The following TRIP13 variants were observed in gnomAD, a reference collection of about 807,000 sequenced individuals.
TRIP13 encodes the protein pachytene checkpoint protein 2 homolog.
In TRIP13, 25 loss-of-function variants were observed where a neutral mutation model predicts 54.4. The observed-to-expected ratio is 0.46, with a 90% confidence interval of 0.33 to 0.64. The LOEUF (loss-of-function observed/expected upper bound fraction) is 0.64, where lower values mean the gene tolerates loss of function less well. Among genes scored for constraint, TRIP13 ranks in the 30% least tolerant of loss-of-function variants. TRIP13 has a pLI of 0.02. For synonymous variants in TRIP13, 207 were observed against 207.8 expected (o/e 1.00, Z 0.03); for missense variants, 373 against 534.2 (o/e 0.70, Z 2.97).
chr5:918,280 C>T (rs1754374597), downstream of TRIP13, among the ~76,000 whole-genome samples: 2 of 152,166 alleles, frequency 1.3e-5, no homozygotes, highest in African/African-American at 4.8e-5. This position sits in a 1 kb window ranked among gnomAD's most constrained non-coding sequence, Gnocchi z 4.3. Context: ...TGGGCCTTAA[C>T]TCTAGATTCA....
Position 917,065 on chromosome 5 carries a change from C to T in TRIP13, c.1261C>T (p.Gln421Ter), listed in dbSNP as rs564546417. The T allele has an allele frequency of 6.2e-7, 1 of 1,614,102 alleles. No homozygotes were observed. Among genetic ancestry groups the T allele is most frequent in the Non-Finnish European group, 8.5e-7 (1 of 1,180,008 alleles). The change falls in exon 13 of 13, where the codon CAG (glutamine) becomes TAG (stop). Residue 421 changes from glutamine (Q) to a stop codon, truncating the protein, a stop_gained. Coordinates refer to ENST00000166345, the MANE Select transcript of TRIP13 (RefSeq NM_004237.4). LOFTEE classifies it high-confidence loss of function. Reference protein sequence around the residue: ...LQALSLAVDKQFEERKKLAAY... With the variant: ...LQALSLAVDK Reference sequence around the variant, plus strand: ...GGCCCTGTCTCTGGCAGTGGACAAGCAGTTTGAAGAGAGAAAGAAGCTTGC... The same window carrying T: ...GGCCCTGTCTCTGGCAGTGGACAAGTAGTTTGAAGAGAGAAAGAAGCTTGC...
At position 896,753 on chromosome 5, in the gene TRIP13, C is replaced by G. The variant is rs1444794901; in HGVS notation, c.347C>G (p.Thr116Arg). 3.1e-6 allele frequency: 5 copies of G among 1,613,726 alleles called. No homozygotes were observed. The highest frequency in any genetic ancestry group is 4.2e-6 in the Non-Finnish European group (5 of 1,179,828). ...GPSSENLEEE[T>R]ENIIAANHWV... ...AGCAGTGAAAATCTGGAGGAAGAGA[C>G]AGAAAACATAATTGCAGCAAATCAC... is the stretch of plus-strand genomic sequence containing the variant. The change falls in exon 3 of 13, where the codon ACA (threonine) becomes AGA (arginine). Residue 116 changes from threonine (T) to arginine (R), a missense_variant. Around this residue, in one of 4 missense-constraint regions of TRIP13, gnomAD observed 151 missense variants for 151.9 expected, o/e 0.99. Coordinates refer to ENST00000166345, the MANE Select transcript of TRIP13 (RefSeq NM_004237.4).
At chr5:905,790 A>C (rs981278014) in intron 6 of TRIP13, among the ~76,000 whole-genome samples, 1 of 152,278 alleles carries the variant, frequency 6.6e-6, no homozygotes, top group Non-Finnish European at 1.5e-5. Flanking sequence ...TTTCGTATAC[A>C]TAATTTTTGT....
intron 6 of TRIP13, among the ~76,000 whole-genome samples, chr5:905,760 G>A (rs552918919): frequency 8.5e-5 from 13 of 152,254 alleles, no homozygotes; most frequent in Non-Finnish European, 1.5e-4. Context: ...TATGACTAGC[G>A]GAAATCCTGT....
chr5:901,217 G>A, intron 4 of TRIP13, 124 bp from the exon 5 acceptor site: 1 of 712,428 alleles, frequency 1.4e-6, no homozygotes, highest in South Asian at 2.0e-5. Context: ...GATCTCTTAG[G>A]AGGCGGCCTC....
At chr5:910,143 G>A (rs1754200048) in intron 9 of TRIP13, among the ~76,000 whole-genome samples, 2 of 152,172 alleles carry the variant, frequency 1.3e-5, no homozygotes, top group Non-Finnish European at 2.9e-5. Flanking sequence ...TCAGTCTACT[G>A]CAATCTGGCT....
rs917450103 is a variant in TRIP13 at position 911,740 on chromosome 5, C to T, written c.867-103C>T. The stretch of plus-strand genomic sequence containing the variant: ...GGCCACTTTCCTTCCTGTTGGCAGC[C>T]TGCTGGCCATCGTCCTGCCAACCTC... On this transcript the variant is annotated intron_variant, in intron 9 of 12. Transcript: ENST00000166345. The surrounding 1 kb of genome is among the most constrained non-coding windows in gnomAD (Gnocchi z 4.7). 2.8e-6 allele frequency: 4 copies of T among 1,434,716 alleles called. No individual in the cohort carries two copies. Among genetic ancestry groups the T allele is most frequent in the Non-Finnish European group, 3.7e-6 (4 of 1,076,748 alleles). The allele number at this position is 1,434,716 out of a possible 1,614,324, so 88.9% of individuals were successfully genotyped here.
chr5:914,078 A>G (rs1754294947), intron 10 of TRIP13, among the ~76,000 whole-genome samples: 1 of 152,130 alleles, frequency 6.6e-6, no homozygotes, highest in African/African-American at 2.4e-5. Context: ...TCCTGGCTCT[A>G]AGTCCCAGCT....
chr5:908,498 A>G lies in TRIP13; in HGVS notation c.866+37A>G, dbSNP rs1382881561. The G allele has an allele frequency of 1.9e-6, 3 of 1,610,660 alleles. No individual in the cohort carries two copies. The highest frequency in any genetic ancestry group is 2.2e-5 in the South Asian group (2 of 91,042). On this transcript the variant is annotated intron_variant, in intron 9 of 12. Coordinates refer to ENST00000166345, the MANE Select transcript of TRIP13 (RefSeq NM_004237.4). The surrounding 1 kb of genome is among the most constrained non-coding windows in gnomAD (Gnocchi z 5.2). The stretch of plus-strand genomic sequence containing the variant: ...ATGCAGCAATTTTCCCTGAGAAGTG[A>G]TGAGAAGTTTGTCCCAAAGAAATGC...
In TRIP13 at chr5:917,167, C is replaced by T. The variant is rs576527563; in HGVS notation, c.*64C>T. The T allele has an allele frequency of 3.3e-6, 5 of 1,530,340 alleles. No individual in the cohort carries two copies. Among genetic ancestry groups the T allele is most frequent in the South Asian group, 1.2e-5 (1 of 86,898 alleles). The allele number at this position is 1,530,340 out of a possible 1,614,324, so 94.8% of individuals were successfully genotyped here. Reference sequence around the variant, plus strand: ...CACACAACCAGTAAGTGAGGTTGCCCCACACAGCCGTCTCCCAGGGAATCC... The same window carrying T: ...CACACAACCAGTAAGTGAGGTTGCCTCACACAGCCGTCTCCCAGGGAATCC... On this transcript the variant is annotated 3_prime_UTR_variant, in exon 13 of 13. Transcript: ENST00000166345.
In TRIP13 at chr5:896,875, G is replaced by A; in HGVS notation, c.388+81G>A. ...CATGCCATGTCAGTTCACAGGGGGGGTTCTGTTTGTCCATTTGTTTTGTAG... is the reference window on the plus strand; with the variant it reads ...CATGCCATGTCAGTTCACAGGGGGGATTCTGTTTGTCCATTTGTTTTGTAG... On this transcript the variant is annotated intron_variant, in intron 3 of 12. Transcript: ENST00000166345. 3 of 1,439,764 alleles carry A rather than the reference G, an allele frequency of 2.1e-6. No individual in the cohort carries two copies. The African/African-American group carries it at 4.3e-5, about 21-fold the overall frequency. 89.2% of individuals were successfully genotyped at this position (1,439,764 alleles called of 1,614,324 possible).
chr5:901,487 C>G (rs1338801766), intron 5 of TRIP13, 56 bp downstream of exon 5: 18 of 1,549,118 alleles, frequency 1.2e-5, no homozygotes, highest in Non-Finnish European at 2.7e-6. Flanking sequence ...TTAGCCTTTA[C>G]TTGTACCTTC....
At position 911,452 on chromosome 5, in the gene TRIP13, TC is replaced by T. The variant is rs529011051; in HGVS notation, c.867-388del. Among the ~76,000 whole-genome samples, 1 of 152,072 alleles carries T rather than the reference TC, an allele frequency of 6.6e-6. No homozygotes were observed. Among genetic ancestry groups the T allele is most frequent in the South Asian group, 2.1e-4 (1 of 4,808 alleles). On this transcript the variant is annotated intron_variant, in intron 9 of 12. Coordinates refer to ENST00000166345, the MANE Select transcript of TRIP13 (RefSeq NM_004237.4). The surrounding 1 kb of genome is among the most constrained non-coding windows in gnomAD (Gnocchi z 4.7). ...CGGGCACGGTGGCGGGCGCCTGTAG[TC>T]CCGGCTACTTGGGAGGCTGAGGCAG... is the stretch of plus-strand genomic sequence containing the variant.
Position 915,990 on chromosome 5 carries a change from G to A in TRIP13, c.1203+17G>A. 1 of 1,613,464 alleles carries A rather than the reference G, an allele frequency of 6.2e-7. No individual in the cohort carries two copies. The highest frequency in any genetic ancestry group is 8.5e-7 in the Non-Finnish European group (1 of 1,179,512). The stretch of plus-strand genomic sequence containing the variant: ...TATGTCCAGGTGAGTCTCCACTGCT[G>A]TCCTCCAGCACCCGCCCTGTCCACA... On this transcript the variant is annotated intron_variant, in intron 12 of 12. Coordinates refer to ENST00000166345, the MANE Select transcript of TRIP13 (RefSeq NM_004237.4). The surrounding 1 kb of genome is among the most constrained non-coding windows in gnomAD (Gnocchi z 4.2).
intron 6 of TRIP13, 68 bp downstream of exon 6, chr5:904,288 T>C: frequency 2.1e-6 from 3 of 1,410,760 alleles, no homozygotes; most frequent in African/African-American, 1.5e-5. Flanking sequence ...TTGTTTTTTT[T>C]TTTTTCTAAA....
chr5:896,425 G>A (rs1753916107), intron 2 of TRIP13, among the ~76,000 whole-genome samples: 1 of 152,110 alleles, frequency 6.6e-6, no homozygotes, highest in Admixed American at 6.5e-5. Context: ...CTGGATTTAG[G>A]GCACTTTTTC....
At chr5:914,804 G>A (rs1399482260) in intron 11 of TRIP13, among the ~76,000 whole-genome samples, 2 of 150,064 alleles carry the variant, frequency 1.3e-5, no homozygotes, top group African/African-American at 2.5e-5. Context: ...CCTTGCTCAG[G>A]GAGGGCGCTG....
At chr5:896,526 T>A in intron 2 of TRIP13, 139 bp from the exon 3 acceptor site, 1 of 841,844 alleles carries the variant, frequency 1.2e-6, no homozygotes, top group Non-Finnish European at 1.7e-6. Flanking sequence ...AATAATAGCC[T>A]TCTCATCTAA....
At chr5:900,460 C>T in intron 3 of TRIP13, 34 bp from the exon 4 acceptor site, 3 of 1,612,632 alleles carry the variant, frequency 1.9e-6, no homozygotes, top group South Asian at 2.2e-5. Flanking sequence ...TGCTTGCCTT[C>T]CTGAAATCAG....
Sources: allele counts gnomAD v4.1 joint callset (sites outside exome capture counted in the v4.1 genomes callset), GRCh38; gene constraint gnomAD v4.1.1; regional missense constraint gnomAD v4.1.1; non-coding constraint Gnocchi (gnomAD v3.1); transcripts MANE v1.5; gene names NCBI Gene and HGNC (gene_info 2026-07-23, HGNC 2026-07-21).